Variants in SLC19A1 observed in about 807,000 individuals in gnomAD.
SLC19A1 encodes the protein solute carrier family 19 member 1.
SLC19A1 carries 37 observed loss-of-function variants against 35.3 expected under a neutral mutation model. The observed-to-expected ratio is 1.05, with a 90% confidence interval of 0.81 to 1.38. The LOEUF is 1.38. Among genes scored for constraint, SLC19A1 ranks in the 40% most tolerant of loss-of-function variants. The probability of loss-of-function intolerance (pLI) is 0.00; values close to 1 mark genes in which losing one functional copy is unlikely to be tolerated. For missense variants in SLC19A1, 831 were observed against 826.9 expected, an observed-to-expected ratio of 1.00 and a Z score of -0.06; for synonymous variants, 460 against 398.5, an observed-to-expected ratio of 1.15 and a Z score of -1.84.
chr21:45,552,810 G>A (rs1332942816), intron 1 of SLC19A1, among the ~76,000 whole-genome samples: 7 of 151,864 alleles, frequency 4.6e-5, no homozygotes, highest in African/African-American at 1.5e-4. Flanking sequence ...GGGCTGGTCC[G>A]CCCGTCCACC....
chr21:45,532,894 C>G (rs561761684), intron 2 of SLC19A1, among the ~76,000 whole-genome samples: 2 of 152,212 alleles, frequency 1.3e-5, no homozygotes, highest in Non-Finnish European at 2.9e-5. Flanking sequence ...AGGGCAGGAT[C>G]AGGGACAGCA....
intron 1 of SLC19A1, among the ~76,000 whole-genome samples, chr21:45,559,722 C>G (rs1422922873): frequency 6.6e-6 from 1 of 152,172 alleles, no homozygotes; most frequent in Non-Finnish European, 1.5e-5. Flanking sequence ...CGCAGAGCTT[C>G]CGTGTTCCTT....
At chr21:45,506,110 A>G in intron 3 of SLC19A1, 1 of 1,279,012 alleles carries the variant, frequency 7.8e-7, no homozygotes, top group East Asian at 2.4e-5. Flanking sequence ...AACTTTTGGT[A>G]AAGTTTAGTA....
intron 1 of SLC19A1, among the ~76,000 whole-genome samples, chr21:45,558,517 C>G (rs567490135): frequency 6.5e-4 from 99 of 152,322 alleles, no homozygotes; most frequent in African/African-American, 2.4e-3. Context: ...GGGGCTGTGA[C>G]CAGGCTGCAG....
intron 1 of SLC19A1, among the ~76,000 whole-genome samples, chr21:45,539,114 C>T (rs1163717144): frequency 6.6e-6 from 1 of 152,174 alleles, no homozygotes; most frequent in African/African-American, 2.4e-5. Context: ...ATTAAGGCCT[C>T]GGTGTAAAGT....
intron 1 of SLC19A1, among the ~76,000 whole-genome samples, chr21:45,539,829 G>A (rs1234250255): frequency 6.6e-5 from 10 of 152,182 alleles, no homozygotes; most frequent in Non-Finnish European, 2.9e-5. Flanking sequence ...GCTTGCAATG[G>A]GGGCCGCAGG....
Position 45,562,054 on chromosome 21 carries a change from C to A in SLC19A1, c.-50+688G>T, listed in dbSNP as rs143634906. ...GCTGAGGCAGGAGAATCACTTGAACCCAGGAGGCGGAGTTTGTAGTGAGCT... is the reference window on the plus strand; with the variant it reads ...GCTGAGGCAGGAGAATCACTTGAACACAGGAGGCGGAGTTTGTAGTGAGCT... On this transcript the variant is annotated intron_variant, in intron 1 of 5. Transcript: ENST00000650808. Among the ~76,000 whole-genome samples the A allele has an allele frequency of 8.6e-3, 1,290 of 150,146 alleles. 16 individuals are homozygous for A. Among genetic ancestry groups the A allele is most frequent in the African/African-American group, 0.028 (1,147 of 40,784 alleles).
chr21:45,560,160 G>A (rs949406375), intron 1 of SLC19A1, among the ~76,000 whole-genome samples: 4 of 152,202 alleles, frequency 2.6e-5, no homozygotes, highest in African/African-American at 9.7e-5. Context: ...CTGGGGAGCG[G>A]CCTGGCCCTG....
chr21:45,520,723 TAAG>T (rs2077411413), intron 5 of SLC19A1, among the ~76,000 whole-genome samples: 1 of 152,144 alleles, frequency 6.6e-6, no homozygotes. Context: ...GATGTCCTTA[TAAG>T]AAGACAGACA....
upstream of SLC19A1, among the ~76,000 whole-genome samples, chr21:45,544,571 G>A (rs186637155): frequency 7.9e-4 from 121 of 152,274 alleles, 3 homozygotes; most frequent in Admixed American, 1.8e-3. Flanking sequence ...TTTCATTATC[G>A]GTTTGTCAAA....
In SLC19A1 at chr21:45,514,856, C is replaced by A. The variant is rs555227463; in HGVS notation, c.*802G>T. The A allele has an allele frequency of 1.6e-5, 12 of 728,112 alleles. No individual in the cohort carries two copies. The highest frequency in any genetic ancestry group is 3.8e-5 in the Admixed American group (1 of 26,542). The allele number at this position is 728,112 out of a possible 1,614,324, so 45.1% of individuals were successfully genotyped here. On this transcript the variant is annotated 3_prime_UTR_variant, in exon 6 of 6. Transcript: ENST00000311124. ...CCCCAGCGCCCACCACAAAGGCAGC[C>A]CCCCCAAGGCTGCCCAGCCCAGGCA...
rs2078026499 is a variant in SLC19A1, at chr21:45,534,092, ACAT to A, written c.190-1947_190-1945del. On this transcript the variant is annotated intron_variant, in intron 2 of 5. Transcript: ENST00000311124. This position sits in a 1 kb window ranked among gnomAD's most constrained non-coding sequence, Gnocchi z 4.2. ...CCTCCGGCACTCCGTCCTGCTCAGG[ACAT>A]TCCGGGACACTCTGAGGGCAGGTTA... Among the ~76,000 whole-genome samples the A allele has an allele frequency of 6.6e-6, 1 of 152,084 alleles. No homozygotes were observed. Among genetic ancestry groups the A allele is most frequent in the Non-Finnish European group, 1.5e-5 (1 of 67,990 alleles).
upstream of SLC19A1, among the ~76,000 whole-genome samples, chr21:45,546,394 C>G (rs2078415916): frequency 6.6e-6 from 1 of 152,278 alleles, no homozygotes; most frequent in Admixed American, 6.5e-5. Context: ...TGCCACACTT[C>G]TTCCCTGGAA....
At chr21:45,505,612 G>A (rs866314852) in intron 3 of SLC19A1, among the ~76,000 whole-genome samples, 7 of 152,160 alleles carry the variant, frequency 4.6e-5, no homozygotes, top group Non-Finnish European at 7.4e-5. Context: ...CCAGGAGGAC[G>A]ACCACCAGCC....
At chr21:45,505,071 G>A (rs2037109988) in intron 3 of SLC19A1, 7 of 1,575,412 alleles carry the variant, frequency 4.4e-6, no homozygotes, top group Non-Finnish European at 6.0e-6. Context: ...AGCCCCACAA[G>A]CTTGCCCGCC....
In SLC19A1 at chr21:45,507,312, C is replaced by T. The variant is rs1427810482; in HGVS notation, c.498-8700G>A. The T allele has an allele frequency of 8.6e-5, 49 of 572,274 alleles. 1 individual carries two copies. The highest frequency in any genetic ancestry group is 6.9e-4 in the African/African-American group (35 of 50,426). The allele number at this position is 572,274 out of a possible 1,614,324, so 35.4% of individuals were successfully genotyped here. ...GCCGGGTGCTGGGCAGGGAGGGCAC[C>T]CTCCTGTGGGCTGGCAGGGCCGGGT... On this transcript the variant is annotated intron_variant, in intron 3 of 4. Transcript: ENST00000417954.
Position 45,513,310 on chromosome 21 carries a change from A to G in SLC19A1, c.*2348T>C, listed in dbSNP as rs2037715584. 6.6e-6 allele frequency: 1 copy of G among 152,312 alleles called. No individual in the cohort carries two copies. Among genetic ancestry groups the G allele is most frequent in the South Asian group, 2.1e-4 (1 of 4,834 alleles). The allele number at this position is 152,312 out of a possible 1,614,324, so 9.4% of individuals were successfully genotyped here. A position where few individuals can be genotyped will look rare whatever the true frequency, so the allele number is the denominator to read the frequency against. On this transcript the variant is annotated 3_prime_UTR_variant, in exon 6 of 6. Transcript: ENST00000311124. ...GGCTGGCACAGGACATGCGGTAGCC[A>G]GCACACAGGGCAGTGAGGGAGGGCT...
At chr21:45,505,455 G>A (rs771328310) in intron 3 of SLC19A1, 131 of 1,323,730 alleles carry the variant, frequency 9.9e-5, no homozygotes, top group Non-Finnish European at 1.3e-4. Flanking sequence ...CAGCCGGCTG[G>A]GCACCTGCGT....
chr21:45,560,423 G>A (rs913243389), intron 1 of SLC19A1, among the ~76,000 whole-genome samples: 2 of 151,776 alleles, frequency 1.3e-5, no homozygotes, highest in Non-Finnish European at 2.9e-5. Flanking sequence ...AATGGGATGT[G>A]GCACTGGCAC....
Sources: gnomAD v4.1 joint callset for allele counts (sites outside exome capture counted in the v4.1 genomes callset) on GRCh38, gnomAD v4.1.1 for gene constraint, Gnocchi (gnomAD v3.1) non-coding constraint, MANE v1.5 for transcripts, NCBI Gene and HGNC (gene_info 2026-07-23, HGNC 2026-07-21) for gene names.